Variants in CNTN3 observed in about 807,000 individuals in gnomAD.
The protein encoded by CNTN3 is contactin-3.
In CNTN3, 60 loss-of-function variants were observed where a neutral mutation model predicts 119.1. The ratio of observed to expected loss-of-function variants is 0.50; its 90% confidence interval spans 0.41 to 0.62. CNTN3 has a LOEUF of 0.62. CNTN3 is among the 20% of genes least tolerant of loss of function. The probability of loss-of-function intolerance (pLI) is 0.00; values close to 1 mark genes in which losing one functional copy is unlikely to be tolerated. For synonymous variants in CNTN3, 450 were observed against 438.7 expected (o/e 1.03, Z -0.32); for missense variants, 1,101 against 1,242.4 (o/e 0.89, Z 1.71).
chr3:74,535,842 C>T (rs577723950), intron 1 of CNTN3, among the ~76,000 whole-genome samples: 7 of 152,034 alleles, frequency 4.6e-5, no homozygotes, highest in Admixed American at 2.0e-4. Context: ...ACATTCGTGA[C>T]GACCAAACCA....
intron 8 of CNTN3, 133 bp from the exon 9 acceptor site, chr3:74,365,835 G>T (rs1036510399): frequency 9.9e-7 from 1 of 1,005,846 alleles, no homozygotes; most frequent in Admixed American, 2.7e-5. Context: ...AGTGAGAACA[G>T]AGGCTAGAAT....
chr3:74,285,796 T>G (rs1330317060), intron 19 of CNTN3, among the ~76,000 whole-genome samples: 15 of 53,734 alleles, frequency 2.8e-4, no homozygotes, highest in African/African-American at 1.7e-3. Context: ...GGGAGATATA[T>G]ATATATATAT....
At chr3:74,507,534 A>G (rs1703284617) in intron 2 of CNTN3, among the ~76,000 whole-genome samples, 1 of 152,008 alleles carries the variant, frequency 6.6e-6, no homozygotes, top group Non-Finnish European at 1.5e-5. Flanking sequence ...CACCATAGTA[A>G]GCAGAAGCCA....
intron 1 of CNTN3, among the ~76,000 whole-genome samples, chr3:74,599,378 G>C (rs1181238104): frequency 1.3e-5 from 2 of 152,084 alleles, no homozygotes; most frequent in Non-Finnish European, 2.9e-5. Flanking sequence ...AAACTTGGTA[G>C]ATGAGTAAGA....
At chr3:74,613,928 C>A (rs1387542732) in intron 1 of CNTN3, among the ~76,000 whole-genome samples, 1 of 152,196 alleles carries the variant, frequency 6.6e-6, no homozygotes, top group African/African-American at 2.4e-5. Context: ...AAAACTTGAT[C>A]GCTAATGAAA....
At chr3:74,438,784 C>T (rs900164973) in intron 4 of CNTN3, among the ~76,000 whole-genome samples, 37 of 152,080 alleles carry the variant, frequency 2.4e-4, no homozygotes, top group African/African-American at 8.5e-4. Context: ...AAAATAGTTG[C>T]TTTTAAGACA....
rs147608713 is a variant in CNTN3 at position 74,291,383 on chromosome 3, C to A, written c.2517+3738G>T. On this transcript the variant is annotated intron_variant, in intron 19 of 22. Transcript: ENST00000263665. ...CATACATGTGCATGTGTCTTTATAG[C>A]AGCATAACTTGTAATCCTTTGGGTA... is the stretch of plus-strand genomic sequence containing the variant. Among the ~76,000 whole-genome samples the A allele has an allele frequency of 8.7e-4, 132 of 152,262 alleles. 1 individual carries two copies. The East Asian group carries it at 0.024, about 27-fold the overall frequency.
At chr3:74,264,584 T>C in intron 22 of CNTN3, 83 bp from the exon 23 acceptor site, 2 of 808,084 alleles carry the variant, frequency 2.5e-6, no homozygotes, top group South Asian at 4.4e-5. Flanking sequence ...TTTGTGGTGT[T>C]CCCCCCAAAT....
intron 4 of CNTN3, among the ~76,000 whole-genome samples, chr3:74,460,342 C>T (rs562694867): frequency 6.6e-6 from 1 of 152,056 alleles, no homozygotes; most frequent in South Asian, 2.1e-4. Context: ...TTGATAGGAA[C>T]TGTATTAAAA....
chr3:74,459,835 G>A (rs1702333879), intron 4 of CNTN3, among the ~76,000 whole-genome samples: 1 of 151,844 alleles, frequency 6.6e-6, no homozygotes, highest in African/African-American at 2.4e-5. Flanking sequence ...ATACTTTTCT[G>A]GAGCACTTCA....
At chr3:74,426,466 A>G (rs1701697116) in intron 4 of CNTN3, among the ~76,000 whole-genome samples, 1 of 152,152 alleles carries the variant, frequency 6.6e-6, no homozygotes. Context: ...TAAAACCAGA[A>G]CCTGTAGACA....
At chr3:74,336,050 G>A (rs537980476) in intron 12 of CNTN3, among the ~76,000 whole-genome samples, 10 of 151,986 alleles carry the variant, frequency 6.6e-5, no homozygotes, top group Non-Finnish European at 1.5e-4. Flanking sequence ...GTGACAATGT[G>A]CTCAAGGATA....
At chr3:74,422,001 C>T (rs1204417046) in intron 5 of CNTN3, among the ~76,000 whole-genome samples, 1 of 152,196 alleles carries the variant, frequency 6.6e-6, no homozygotes, top group African/African-American at 2.4e-5. Flanking sequence ...TTCCAGTGAA[C>T]TCTCAAAAAG....
chr3:74,551,231 G>C (rs1355503975), intron 1 of CNTN3, among the ~76,000 whole-genome samples: 1 of 152,182 alleles, frequency 6.6e-6, no homozygotes, highest in Admixed American at 6.5e-5. Context: ...GAGAGATGCA[G>C]GCACAAAGAC....
At chr3:74,284,901 A>T (rs1702079150) in intron 20 of CNTN3, among the ~76,000 whole-genome samples, 1 of 152,170 alleles carries the variant, frequency 6.6e-6, no homozygotes, top group Non-Finnish European at 1.5e-5. Flanking sequence ...ATGATGGAGG[A>T]AAGAAAGATA....
chr3:74,476,519 C>T (rs536149917), intron 4 of CNTN3, among the ~76,000 whole-genome samples: 9 of 152,166 alleles, frequency 5.9e-5, no homozygotes, highest in East Asian at 1.9e-4. Flanking sequence ...AGATCAAATT[C>T]GCATCAAAAA....
At chr3:74,445,664 T>C (rs1702037386) in intron 4 of CNTN3, among the ~76,000 whole-genome samples, 1 of 152,212 alleles carries the variant, frequency 6.6e-6, no homozygotes, top group Non-Finnish European at 1.5e-5. Flanking sequence ...ATGCATTTCA[T>C]ATAGCCTCTT....
In CNTN3 at chr3:74,365,671, A is replaced by G. The variant is rs143146733; in HGVS notation, c.978T>C (p.Asp326=). The change falls in exon 9 of 23, where the codon GAT becomes GAC. Residue 326 remains aspartate (D), a synonymous_variant. Transcript: ENST00000263665. ...GACTGTCCTCCACGGCTATTTCCACATCCTTTATGAGTTGAACCCAATGGG... is the reference window on the plus strand; with the variant it reads ...GACTGTCCTCCACGGCTATTTCCACGTCCTTTATGAGTTGAACCCAATGGG... The part of the protein sequence containing the change: ...AKPHWVQLIK[D]VEIAVEDSLY... 3.4e-4 allele frequency: 547 copies of G among 1,613,370 alleles called. 6 individuals carry two copies. The South Asian group carries it at 5.7e-3, about 17-fold the overall frequency.
chr3:74,499,963 G>A (rs183814093), intron 2 of CNTN3, among the ~76,000 whole-genome samples, 178 bp from the exon 3 acceptor site: 1 of 152,106 alleles, frequency 6.6e-6, no homozygotes, highest in Non-Finnish European at 1.5e-5. Flanking sequence ...CCACTCAACA[G>A]CATAGTACCA....
Sources: gnomAD v4.1 joint callset for allele counts (sites outside exome capture counted in the v4.1 genomes callset) on GRCh38, gnomAD v4.1.1 for gene constraint, MANE v1.5 for transcripts, NCBI Gene and HGNC (gene_info 2026-07-23, HGNC 2026-07-21) for gene names.